TLE1: variants seen among roughly 807,000 people sequenced by gnomAD.
The protein encoded by TLE1 is TLE family member 1, transcriptional corepressor.
In TLE1, 21 loss-of-function variants were observed where a neutral mutation model predicts 89.8. That is an observed-to-expected ratio of 0.23 (90% CI 0.17 to 0.34). The LOEUF is 0.34. Among genes scored for constraint, TLE1 ranks in the 10% least tolerant of loss-of-function variants. The pLI is 1.00. For missense variants in TLE1, 795 were observed against 1,031.2 expected (o/e 0.77, Z 3.14); for synonymous variants, 447 against 407.6 (o/e 1.10, Z -1.16).
intron 6 of TLE1, among the ~76,000 whole-genome samples, chr9:81,644,908 C>A (rs1427870682): frequency 7.0e-6 from 1 of 143,616 alleles, no homozygotes; most frequent in African/African-American, 2.6e-5. Flanking sequence ...GCAGGAGAAT[C>A]GTTTGAACCC....
At chr9:81,617,218 C>CA (rs1183054670) in intron 9 of TLE1, among the ~76,000 whole-genome samples, 1 of 149,382 alleles carries the variant, frequency 6.7e-6, no homozygotes, top group African/African-American at 2.5e-5. Context: ...TCTTAAGTAA[C>CA]AAAAAAGTAA....
chr9:81,664,311 A>G (rs536585964), intron 4 of TLE1, among the ~76,000 whole-genome samples: 1 of 152,164 alleles, frequency 6.6e-6, no homozygotes, highest in Admixed American at 6.5e-5. Flanking sequence ...CAAAAATGAT[A>G]CACACAAAAC....
intron 2 of TLE1, 106 bp from the exon 3 acceptor site, chr9:81,686,002 G>C: frequency 8.3e-7 from 1 of 1,205,994 alleles, no homozygotes; most frequent in East Asian, 2.5e-5. Flanking sequence ...ATTTGGAAAA[G>C]CCATAAACTA....
intron 9 of TLE1, 147 bp downstream of exon 9, chr9:81,620,294 A>G (rs1390817223): frequency 1.5e-6 from 1 of 676,698 alleles, no homozygotes; most frequent in East Asian, 2.7e-5. Context: ...CCCCAAAGGG[A>G]AATACTATCC....
At chr9:81,644,029 A>C (rs1191524124) in intron 6 of TLE1, among the ~76,000 whole-genome samples, 1 of 152,214 alleles carries the variant, frequency 6.6e-6, no homozygotes, top group Non-Finnish European at 1.5e-5. Context: ...GGAAAATGCA[A>C]ATCAAAAACG....
intron 8 of TLE1, among the ~76,000 whole-genome samples, chr9:81,622,183 C>T (rs955435717): frequency 6.6e-6 from 1 of 152,200 alleles, no homozygotes; most frequent in Non-Finnish European, 1.5e-5. Context: ...ACATGGGAAA[C>T]GTGTTTAAAT....
chr9:81,658,859 A>C (rs759520610), intron 4 of TLE1, among the ~76,000 whole-genome samples: 7 of 152,192 alleles, frequency 4.6e-5, no homozygotes, highest in Non-Finnish European at 8.8e-5. Context: ...AATTTAGCAC[A>C]AATTAACAAG....
At chr9:81,584,844 TG>T (rs982314077) in intron 18 of TLE1, among the ~76,000 whole-genome samples, 4 of 152,056 alleles carry the variant, frequency 2.6e-5, no homozygotes, top group Non-Finnish European at 4.4e-5. Context: ...CATGATAAAA[TG>T]GGATTAAAGA....
chr9:81,616,577 CTG>C lies in TLE1; in HGVS notation c.765+67_765+68del, dbSNP rs558309815. ...CGAGGGGCTCTACTTCCTTCATTCA[CTG>C]TTAGTTTTTTTTCATAACATTATTC... On this transcript the variant is annotated intron_variant, in intron 10 of 19. Coordinates refer to ENST00000376499, the MANE Select transcript of TLE1 (RefSeq NM_005077.5). 61 of 1,559,238 alleles carry C rather than the reference CTG, an allele frequency of 3.9e-5. No individual in the cohort carries two copies. The Admixed American group carries it at 6.2e-4, about 16-fold the overall frequency.
chr9:81,623,329 G>A (rs1478773734), intron 8 of TLE1, among the ~76,000 whole-genome samples: 1 of 152,092 alleles, frequency 6.6e-6, no homozygotes, highest in Admixed American at 6.6e-5. Flanking sequence ...AGAATTCAGA[G>A]ACTAAACCTG....
At chr9:81,662,361 T>TTGTTTGTGTGTGTG (rs1554694311) in intron 4 of TLE1, among the ~76,000 whole-genome samples, 1 of 138,470 alleles carries the variant, frequency 7.2e-6, no homozygotes, top group African/African-American at 2.8e-5. Flanking sequence ...TGTGCCTGTT[T>TTGTTTGTGTGTGTG]TGTGTGTGTG....
chr9:81,687,347 C>A lies in TLE1; in HGVS notation c.112G>T (p.Ala38Ser). The change falls in exon 2 of 20, where the codon GCG becomes TCG. Residue 38 changes from alanine to serine, a missense_variant. Coordinates refer to ENST00000376499, the MANE Select transcript of TLE1 (RefSeq NM_005077.5). ...CCGGACACGCACCTGTGATACTGCG[C>A]CTGCAGGAACTGGAATTCCTCTTTA... ...RIKEEFQFLQAQYHSLKLECE... is the reference protein window; with the variant it reads ...RIKEEFQFLQSQYHSLKLECE... 6.2e-7 allele frequency: 1 copy of A among 1,606,310 alleles called. No individual in the cohort carries two copies. The highest frequency in any genetic ancestry group is 8.5e-7 in the Non-Finnish European group (1 of 1,177,902).
chr9:81,683,749 A>T (rs1371668113), intron 4 of TLE1, among the ~76,000 whole-genome samples: 1 of 152,162 alleles, frequency 6.6e-6, no homozygotes, highest in East Asian at 1.9e-4. Flanking sequence ...CACGTTTTTC[A>T]AATTGCTAAG....
intron 11 of TLE1, among the ~76,000 whole-genome samples, chr9:81,615,506 C>T (rs1332574059): frequency 6.9e-6 from 1 of 144,270 alleles, no homozygotes; most frequent in Non-Finnish European, 1.5e-5. Flanking sequence ...CAAGACCAGC[C>T]TGACAAACAT....
intron 6 of TLE1, among the ~76,000 whole-genome samples, chr9:81,650,641 A>T (rs1308668337): frequency 6.6e-6 from 1 of 152,152 alleles, no homozygotes; most frequent in Non-Finnish European, 1.5e-5. Context: ...ACAAATGCAG[A>T]TGTAATTGTG....
chr9:81,623,343 A>AT (rs1324553078), intron 8 of TLE1, among the ~76,000 whole-genome samples: 4 of 152,160 alleles, frequency 2.6e-5, no homozygotes, highest in Non-Finnish European at 5.9e-5. Context: ...AAACCTGGGT[A>AT]TTGACTAAAT....
chr9:81,600,991 A>G (rs1186840737), intron 14 of TLE1, among the ~76,000 whole-genome samples: 1 of 152,198 alleles, frequency 6.6e-6, no homozygotes, highest in Non-Finnish European at 1.5e-5. Context: ...CTTGCAGACA[A>G]TAAATCATGG....
intron 8 of TLE1, among the ~76,000 whole-genome samples, chr9:81,626,719 G>A (rs538483336): frequency 6.6e-6 from 1 of 152,134 alleles, no homozygotes; most frequent in African/African-American, 2.4e-5. Flanking sequence ...AGGACTCATG[G>A]AAAGATAGCT....
rs529848598 is a variant in TLE1, at chr9:81,680,933, A to T, written c.234+4743T>A. ...GTAGACAAAAACACACAGGGTTAAAAAAAAAAAACAAAAAAAACACTAAGG... is the reference window on the plus strand; with the variant it reads ...GTAGACAAAAACACACAGGGTTAAATAAAAAAAACAAAAAAAACACTAAGG... On this transcript the variant is annotated intron_variant, in intron 4 of 19. Coordinates refer to ENST00000376499, the MANE Select transcript of TLE1 (RefSeq NM_005077.5). Among the ~76,000 whole-genome samples, 318 of 150,978 alleles carry T rather than the reference A, an allele frequency of 2.1e-3. 1 individual carries two copies. The highest frequency in any genetic ancestry group is 3.4e-3 in the Middle Eastern group (1 of 292).
Sources: allele counts gnomAD v4.1 joint callset (sites outside exome capture counted in the v4.1 genomes callset), GRCh38; gene constraint gnomAD v4.1.1; transcripts MANE v1.5; gene names NCBI Gene and HGNC (gene_info 2026-07-23, HGNC 2026-07-21).